Variants in PRKG1 observed in about 807,000 individuals in gnomAD.
PRKG1 encodes protein kinase cGMP-dependent 1.
PRKG1 carries 35 observed loss-of-function variants against 88.1 expected under a neutral mutation model. The ratio of observed to expected loss-of-function variants is 0.40; its 90% confidence interval spans 0.30 to 0.53. PRKG1 has a LOEUF of 0.53. Among genes scored for constraint, PRKG1 ranks in the 20% least tolerant of loss-of-function variants. The pLI, the probability that PRKG1 is intolerant of heterozygous loss-of-function variation, is 0.59. For missense variants in PRKG1, 540 were observed against 839.8 expected (o/e 0.64, Z 4.41); for synonymous variants, 303 against 292.5 (o/e 1.04, Z -0.37).
At chr10:52,242,341 T>G (rs1268555507) in intron 9 of PRKG1, 1 of 152,182 alleles carries the variant, frequency 6.6e-6, no homozygotes, top group Non-Finnish European at 1.5e-5. Context: ...TTTCCTCAGA[T>G]CCCAGCTTCT....
At chr10:51,284,158 A>G (rs1479002199) in intron 2 of PRKG1, among the ~76,000 whole-genome samples, 1 of 152,268 alleles carries the variant, frequency 6.6e-6, no homozygotes, top group Non-Finnish European at 1.5e-5. Flanking sequence ...CTCACATTAA[A>G]TCAAGGGCTA....
intron 2 of PRKG1, among the ~76,000 whole-genome samples, chr10:51,451,291 T>TTTA (rs111953254): frequency 1.2e-4 from 18 of 151,400 alleles, no homozygotes; most frequent in Admixed American, 2.0e-4. Context: ...ACTTTTTTTT[T>TTTA]TTGGTGACAA....
chr10:51,023,623 G>T (rs1342397803), intron 1 of PRKG1, among the ~76,000 whole-genome samples: 4 of 152,154 alleles, frequency 2.6e-5, no homozygotes, highest in African/African-American at 9.7e-5. Context: ...ATGAGTATTT[G>T]TTTAAATTAA....
chr10:51,052,745 G>A (rs1462538742), intron 1 of PRKG1, among the ~76,000 whole-genome samples: 1 of 152,124 alleles, frequency 6.6e-6, no homozygotes, highest in African/African-American at 2.4e-5. Flanking sequence ...TCAATGTAGA[G>A]GCTTTGCCCC....
chr10:51,990,762 CTA>C (rs1412166161), intron 5 of PRKG1, among the ~76,000 whole-genome samples: 1 of 152,072 alleles, frequency 6.6e-6, no homozygotes, highest in African/African-American at 2.4e-5. Context: ...TTGTTCCTCT[CTA>C]TGTGTCCATG....
intron 3 of PRKG1, among the ~76,000 whole-genome samples, chr10:51,691,984 T>C (rs1841156020): frequency 6.6e-6 from 1 of 152,194 alleles, no homozygotes; most frequent in Non-Finnish European, 1.5e-5. Context: ...GAGGATCTTT[T>C]CCTCTGATGA....
chr10:51,787,124 A>G (rs1036563545), intron 3 of PRKG1, among the ~76,000 whole-genome samples: 9 of 152,208 alleles, frequency 5.9e-5, no homozygotes, highest in African/African-American at 2.2e-4. Context: ...GATAATCTTC[A>G]TAAAATAAGT....
At chr10:51,486,645 G>T (rs533593580) in intron 3 of PRKG1, among the ~76,000 whole-genome samples, 1 of 152,074 alleles carries the variant, frequency 6.6e-6, no homozygotes, top group South Asian at 2.1e-4. Flanking sequence ...CTTCCATTCC[G>T]TACTATTTGA....
rs1195891549 is a variant in PRKG1, at chr10:51,048,790, C to CTGAAGTAGTATGTGT, written c.266+57146_266+57147insTGAAGTAGTATGTGT. Among the ~76,000 whole-genome samples, 4 of 152,050 alleles carry CTGAAGTAGTATGTGT rather than the reference C, an allele frequency of 2.6e-5. No individual in the cohort carries two copies. In the South Asian group the frequency reaches 6.2e-4, roughly 24 times the overall value. ...TTAATTTACTTCAGTAGTATGTGTA[C>CTGAAGTAGTATGTGT]ACCTTCCAGGGAATGACTGAACTGA... On this transcript the variant is annotated intron_variant, in intron 1 of 17. Coordinates refer to the PRKG1 transcript ENST00000401604.
chr10:51,368,294 T>C (rs1388277014), intron 2 of PRKG1, among the ~76,000 whole-genome samples: 2 of 152,084 alleles, frequency 1.3e-5, no homozygotes, highest in South Asian at 2.1e-4. Context: ...TACACTTTTT[T>C]TCGTCTTCCT....
chr10:51,980,354 T>C (rs1411749744), intron 5 of PRKG1, among the ~76,000 whole-genome samples: 2 of 152,220 alleles, frequency 1.3e-5, no homozygotes, highest in African/African-American at 2.4e-5. Context: ...ATAGTTGTTA[T>C]GATTTCAGTT....
At chr10:51,289,338 T>A (rs1843053214) in intron 2 of PRKG1, among the ~76,000 whole-genome samples, 1 of 152,162 alleles carries the variant, frequency 6.6e-6, no homozygotes, top group South Asian at 2.1e-4. Flanking sequence ...TGCTATTGCT[T>A]CTCCTAAGGC....
rs60390252 is a variant in PRKG1, at chr10:52,143,049, TA to T, written c.1001+9153del. On this transcript the variant is annotated intron_variant, in intron 8 of 17. Transcript: ENST00000373980. ...TAATTTGAGCAGCAAAGTGTTATGATAAAAAAAAATAGTAACTATAATAGGG... is the reference window on the plus strand; with the variant it reads ...TAATTTGAGCAGCAAAGTGTTATGATAAAAAAAATAGTAACTATAATAGGG... Among the ~76,000 whole-genome samples, 904 of 152,192 alleles carry T rather than the reference TA, an allele frequency of 5.9e-3. 12 individuals are homozygous for T. Among genetic ancestry groups the T allele is most frequent in the African/African-American group, 0.021 (859 of 41,516 alleles).
At chr10:51,292,614 CA>C (rs1233219284) in intron 2 of PRKG1, among the ~76,000 whole-genome samples, 3 of 152,082 alleles carry the variant, frequency 2.0e-5, no homozygotes, top group African/African-American at 7.2e-5. Flanking sequence ...GCCAATAGCT[CA>C]AAATGCTATT....
intron 2 of PRKG1, among the ~76,000 whole-genome samples, chr10:51,196,431 A>G (rs1837767650): frequency 1.3e-5 from 2 of 152,194 alleles, no homozygotes; most frequent in Admixed American, 6.5e-5. Context: ...AAAAATAATC[A>G]CAGTGCTTAT....
chr10:52,094,295 C>T (rs1847124049), intron 7 of PRKG1, among the ~76,000 whole-genome samples: 1 of 152,078 alleles, frequency 6.6e-6, no homozygotes, highest in Non-Finnish European at 1.5e-5. Flanking sequence ...CATACGTTTT[C>T]ATTCTTCCTC....
intron 4 of PRKG1, among the ~76,000 whole-genome samples, chr10:51,906,949 TC>T (rs1301498148): frequency 7.2e-5 from 11 of 152,080 alleles, no homozygotes; most frequent in Admixed American, 7.2e-4. Context: ...CTATAAAGAG[TC>T]TGTTTTGTCA....
intron 1 of PRKG1, among the ~76,000 whole-genome samples, chr10:51,080,400 A>G (rs780238256): frequency 3.9e-5 from 6 of 151,900 alleles, no homozygotes; most frequent in African/African-American, 9.7e-5. Flanking sequence ...TGATGTTTCT[A>G]TTGTTGCTGT....
intron 3 of PRKG1, among the ~76,000 whole-genome samples, chr10:51,737,930 A>AT (rs34484249): frequency 4.7e-5 from 7 of 149,938 alleles, no homozygotes; most frequent in African/African-American, 7.4e-5. Flanking sequence ...CGCCTGGCTA[A>AT]TTTTTTTTTG....
Sources: allele counts gnomAD v4.1 joint callset (sites outside exome capture counted in the v4.1 genomes callset), GRCh38; gene constraint gnomAD v4.1.1; transcripts MANE v1.5; gene names NCBI Gene and HGNC (gene_info 2026-07-23, HGNC 2026-07-21).